Variants in TBC1D22A observed in about 807,000 individuals in gnomAD.
The protein encoded by TBC1D22A is TBC1 domain family member 22A, also known as putative GTPase activator.
A neutral mutation model predicts 60.2 loss-of-function variants in TBC1D22A; 38 were observed. The observed-to-expected ratio is 0.63, with a 90% CI of 0.49 to 0.83. The LOEUF is 0.83. TBC1D22A is among the 40% of genes least tolerant of loss of function. TBC1D22A has a pLI of 0.00. For missense variants in TBC1D22A, 628 were observed against 701.0 expected (o/e 0.90, Z 1.18); for synonymous variants, 302 against 281.7 (o/e 1.07, Z -0.72).
At chr22:47,122,860 T>C (rs753394976) in intron 12 of TBC1D22A, among the ~76,000 whole-genome samples, 1 of 152,172 alleles carries the variant, frequency 6.6e-6, no homozygotes, top group Non-Finnish European at 1.5e-5. Context: ...GTCCCTTTCA[T>C]TTGCTTCATG....
At chr22:47,080,575 T>G (rs1054387415) in intron 11 of TBC1D22A, among the ~76,000 whole-genome samples, 9 of 152,098 alleles carry the variant, frequency 5.9e-5, no homozygotes, top group African/African-American at 1.7e-4. Flanking sequence ...TTTGAATTTG[T>G]GGGTTATAGC....
chr22:47,137,029 C>A (rs923713207), intron 12 of TBC1D22A, among the ~76,000 whole-genome samples: 1 of 152,076 alleles, frequency 6.6e-6, no homozygotes, highest in Non-Finnish European at 1.5e-5. Context: ...TCACTCGGCG[C>A]GGGCAAAGAA....
intron 11 of TBC1D22A, among the ~76,000 whole-genome samples, chr22:47,088,396 T>C (rs1422764379): frequency 6.6e-6 from 1 of 152,140 alleles, no homozygotes; most frequent in Non-Finnish European, 1.5e-5. Context: ...AGGGACCCTC[T>C]CTAGCCAAAA....
chr22:47,170,138 TCTC>T (rs1318527677), intron 12 of TBC1D22A, among the ~76,000 whole-genome samples: 3 of 152,324 alleles, frequency 2.0e-5, no homozygotes, highest in African/African-American at 7.2e-5. Flanking sequence ...GCTGTGTTCT[TCTC>T]CTCCCGTAAA....
intron 8 of TBC1D22A, among the ~76,000 whole-genome samples, chr22:46,972,288 G>A (rs1003987551): frequency 6.6e-6 from 1 of 152,142 alleles, no homozygotes; most frequent in Non-Finnish European, 1.5e-5. Context: ...TCTTGAGGGC[G>A]TCAGGTCTCT....
Position 47,170,894 on chromosome 22 carries a change from A to G in TBC1D22A, c.1426-2604A>G, listed in dbSNP as rs371602214. Among the ~76,000 whole-genome samples, 35 of 19,294 alleles carry G rather than the reference A, an allele frequency of 1.8e-3. 7 individuals carry two copies. Among genetic ancestry groups the G allele is most frequent in the South Asian group, 5.5e-3 (8 of 1,442 alleles). The allele number at this position is 19,294 out of a possible 152,430, so 12.7% of individuals were successfully genotyped here. On this transcript the variant is annotated intron_variant, in intron 12 of 12. Coordinates refer to ENST00000337137, the MANE Select transcript of TBC1D22A (RefSeq NM_014346.5). Reference sequence around the variant, plus strand: ...TCCTGGTGTGTAACCCTCCTGATGCAGGACCGGAGAGAGGGCAGTCCTGGT... The same window carrying G: ...TCCTGGTGTGTAACCCTCCTGATGCGGGACCGGAGAGAGGGCAGTCCTGGT...
At chr22:46,786,604 T>C (rs2084169191) in intron 1 of TBC1D22A, among the ~76,000 whole-genome samples, 1 of 152,246 alleles carries the variant, frequency 6.6e-6, no homozygotes, top group Admixed American at 6.5e-5. Context: ...TCTTTATCTA[T>C]TTGGTAGAAT....
At position 46,945,490 on chromosome 22, in the gene TBC1D22A, G is replaced by A. The variant is rs1053763282; in HGVS notation, c.1016-28800G>A. On this transcript the variant is annotated intron_variant, in intron 8 of 12. Coordinates refer to ENST00000337137, the MANE Select transcript of TBC1D22A (RefSeq NM_014346.5). ...TGTTTTACAAGAGATTGAATAACTTGATCAAGGTCTCAGAGCTACTGAGGG... is the reference window on the plus strand; with the variant it reads ...TGTTTTACAAGAGATTGAATAACTTAATCAAGGTCTCAGAGCTACTGAGGG... 3.3e-5 allele frequency among the ~76,000 whole-genome samples: 5 copies of A among 152,302 alleles called. No individual in the cohort carries two copies. The South Asian group carries it at 1.0e-3, about 32-fold the overall frequency.
At chr22:47,090,632 C>T (rs1017218615) in intron 11 of TBC1D22A, among the ~76,000 whole-genome samples, 2 of 152,180 alleles carry the variant, frequency 1.3e-5, no homozygotes, top group African/African-American at 4.8e-5. Flanking sequence ...CCTTCGTTTG[C>T]TTGCTCCAGG....
intron 1 of TBC1D22A, among the ~76,000 whole-genome samples, chr22:46,782,548 A>G (rs549211078): frequency 3.5e-4 from 53 of 152,284 alleles, no homozygotes; most frequent in Middle Eastern, 6.8e-3. Context: ...TGTTTTTAGT[A>G]TATTCACAGT....
At chr22:46,851,367 G>A (rs551468458) in intron 4 of TBC1D22A, among the ~76,000 whole-genome samples, 159 of 152,338 alleles carry the variant, frequency 1.0e-3, no homozygotes, top group African/African-American at 3.7e-3. Flanking sequence ...TGGCTCTCAG[G>A]TCACAGAGCC....
intron 5 of TBC1D22A, among the ~76,000 whole-genome samples, chr22:46,888,526 T>C (rs1431027731): frequency 6.6e-6 from 1 of 152,128 alleles, no homozygotes; most frequent in Non-Finnish European, 1.5e-5. Context: ...TGGTCCTGAG[T>C]GAACTTCCTG....
chr22:47,005,845 A>G (rs2061571806), intron 10 of TBC1D22A, among the ~76,000 whole-genome samples: 1 of 150,284 alleles, frequency 6.7e-6, no homozygotes, highest in African/African-American at 2.5e-5. Flanking sequence ...ACACAGCTAC[A>G]CACAGATGCC....
intron 1 of TBC1D22A, chr22:46,773,906 C>G (rs545276126): frequency 1.1e-5 from 11 of 984,582 alleles, no homozygotes; most frequent in Non-Finnish European, 1.2e-5. Context: ...TCATAAGTGG[C>G]AAAGCTGGGG....
At chr22:46,792,658 C>T (rs1400421417) in intron 2 of TBC1D22A, 82 bp downstream of exon 2, 3 of 1,612,740 alleles carry the variant, frequency 1.9e-6, no homozygotes, top group South Asian at 1.1e-5. Flanking sequence ...TGCTTCCTTC[C>T]TGCTCCCAGG....
chr22:47,000,219 A>G (rs952975568), intron 10 of TBC1D22A, among the ~76,000 whole-genome samples: 3 of 152,102 alleles, frequency 2.0e-5, no homozygotes, highest in Non-Finnish European at 4.4e-5. Flanking sequence ...AGTCAAGCGG[A>G]AGTTTCAGCA....
At chr22:46,902,379 T>C (rs763024606) in intron 7 of TBC1D22A, among the ~76,000 whole-genome samples, 1 of 152,250 alleles carries the variant, frequency 6.6e-6, no homozygotes, top group Admixed American at 6.5e-5. Context: ...CTACTTTTAA[T>C]GAATTCCCAC....
intron 12 of TBC1D22A, among the ~76,000 whole-genome samples, chr22:47,112,059 A>G (rs903745039): frequency 6.6e-6 from 1 of 152,222 alleles, no homozygotes; most frequent in African/African-American, 2.4e-5. Context: ...GTTCAGCCTC[A>G]CTAAGCTAGT....
intron 8 of TBC1D22A, among the ~76,000 whole-genome samples, chr22:46,952,039 C>G (rs1280434630): frequency 6.6e-6 from 1 of 152,190 alleles, no homozygotes; most frequent in African/African-American, 2.4e-5. Flanking sequence ...CTGCTGAGCC[C>G]CACAGCACAG....
Sources: gnomAD v4.1 joint callset for allele counts (sites outside exome capture counted in the v4.1 genomes callset) on GRCh38, gnomAD v4.1.1 for gene constraint, MANE v1.5 for transcripts, NCBI Gene and HGNC (gene_info 2026-07-23, HGNC 2026-07-21) for gene names.